ACVR2A: variants seen among roughly 807,000 people sequenced by gnomAD.
ACVR2A encodes activin receptor type-2A.
In ACVR2A, 7 loss-of-function variants were observed where a neutral mutation model predicts 61.4. The observed-to-expected ratio is 0.11, with a 90% CI of 0.06 to 0.21. The LOEUF is 0.21. Among genes scored for constraint, ACVR2A ranks in the 10% least tolerant of loss-of-function variants. ACVR2A has a pLI of 1.00. For synonymous variants in ACVR2A, 193 were observed against 208.3 expected (o/e 0.93, Z 0.63); for missense variants, 322 against 621.7 (o/e 0.52, Z 5.13).
At chr2:147,879,610 G>C (rs1459622217) in intron 1 of ACVR2A, among the ~76,000 whole-genome samples, 1 of 152,208 alleles carries the variant, frequency 6.6e-6, no homozygotes, top group Non-Finnish European at 1.5e-5. Flanking sequence ...TTCAAAGAGT[G>C]TCCACTTGTC....
rs141424691 is a variant in ACVR2A, at chr2:147,846,097, ACTAT to A, written c.55+894_55+897del. 4.6e-3 allele frequency among the ~76,000 whole-genome samples: 707 copies of A among 152,262 alleles called. 2 individuals carry two copies. The highest frequency in any genetic ancestry group is 5.0e-3 in the Non-Finnish European group (342 of 68,026). ...ATGGTTGCAACCAGTGGTTGGAAAA[ACTAT>A]CTAGTCTTTTGTATTTGAAATTCTA... On this transcript the variant is annotated intron_variant, in intron 1 of 10. Transcript: ENST00000241416.
At chr2:147,849,330 G>GTT (rs1366830468) in intron 1 of ACVR2A, among the ~76,000 whole-genome samples, 1 of 152,112 alleles carries the variant, frequency 6.6e-6, no homozygotes, top group Non-Finnish European at 1.5e-5. Flanking sequence ...TCGTGTGTGT[G>GTT]TGTAACATGT....
At chr2:147,874,739 C>G (rs909180156) in intron 1 of ACVR2A, among the ~76,000 whole-genome samples, 5 of 151,960 alleles carry the variant, frequency 3.3e-5, no homozygotes, top group African/African-American at 1.2e-4. Context: ...ATCTACTACG[C>G]ACTGTGTTAA....
At chr2:147,907,506 TTTC>T (rs768411347) in intron 4 of ACVR2A, among the ~76,000 whole-genome samples, 11 of 152,178 alleles carry the variant, frequency 7.2e-5, no homozygotes, top group Non-Finnish European at 1.3e-4. Context: ...GCACCTGTTG[TTTC>T]TTGACTTTTT....
rs1346333502 is a variant in ACVR2A, at chr2:147,928,206, T to G, written c.*932T>G. 6.6e-6 allele frequency: 1 copy of G among 152,354 alleles called. No individual in the cohort carries two copies. Among genetic ancestry groups the G allele is most frequent in the Non-Finnish European group, 1.5e-5 (1 of 67,920 alleles). The allele number at this position is 152,354 out of a possible 1,614,324, so 9.4% of individuals were successfully genotyped here. A position where few individuals can be genotyped will look rare whatever the true frequency, so the allele number is the denominator to read the frequency against. ...TGTGTTTGGGGAATATTTGAAAATT[T>G]AAAGCATGATTTAAAATTTTTTAAA... On this transcript the variant is annotated 3_prime_UTR_variant, in exon 11 of 11. Coordinates refer to ENST00000241416, the MANE Select transcript of ACVR2A (RefSeq NM_001616.5).
chr2:147,874,517 A>T (rs1188393428), intron 1 of ACVR2A, among the ~76,000 whole-genome samples: 1 of 151,940 alleles, frequency 6.6e-6, no homozygotes, highest in Non-Finnish European at 1.5e-5. Flanking sequence ...TTATTTCTCA[A>T]ACTGTGGTGT....
intron 4 of ACVR2A, among the ~76,000 whole-genome samples, chr2:147,914,782 G>A (rs961537933): frequency 4.6e-5 from 7 of 151,906 alleles, no homozygotes; most frequent in African/African-American, 1.7e-4. Flanking sequence ...GGTTTTTGCT[G>A]ATATATAGTC....
intron 2 of ACVR2A, among the ~76,000 whole-genome samples, chr2:147,899,247 A>G (rs1393281901): frequency 1.3e-5 from 2 of 152,170 alleles, no homozygotes; most frequent in Non-Finnish European, 2.9e-5. Flanking sequence ...TGTGATTGTT[A>G]TAAAATCAGT....
chr2:147,845,322 A>G, intron 1 of ACVR2A, 115 bp downstream of exon 1: 1 of 533,752 alleles, frequency 1.9e-6, no homozygotes, highest in Non-Finnish European at 2.6e-6. Flanking sequence ...GAGGTTGCCC[A>G]CTCCCTGCGC....
Position 147,901,014 on chromosome 2 carries a change from A to G in ACVR2A, c.528+1116A>G, listed in dbSNP as rs1462068334. Among the ~76,000 whole-genome samples the G allele has an allele frequency of 3.3e-5, 5 of 152,064 alleles. No individual in the cohort carries two copies. In the East Asian group the frequency reaches 9.6e-4, roughly 29 times the overall value. On this transcript the variant is annotated intron_variant, in intron 4 of 10. Transcript: ENST00000241416. ...TATAGAGAAATAAACCCAAAGGTAA[A>G]ATACCATGTTCGGTAATTAGGTAAA... is the stretch of plus-strand genomic sequence containing the variant.
At chr2:147,919,429 C>T (rs903992856) in intron 7 of ACVR2A, among the ~76,000 whole-genome samples, 4 of 152,092 alleles carry the variant, frequency 2.6e-5, no homozygotes, top group Non-Finnish European at 5.9e-5. Context: ...CTTAAGGACC[C>T]CCAAAGTTAT....
At chr2:147,857,153 A>G (rs1235138238) in intron 1 of ACVR2A, among the ~76,000 whole-genome samples, 2 of 152,164 alleles carry the variant, frequency 1.3e-5, no homozygotes, top group South Asian at 2.1e-4. Context: ...GGTTAGGGTC[A>G]GAGAAGAAGG....
chr2:147,907,812 G>A (rs994753806), intron 4 of ACVR2A, among the ~76,000 whole-genome samples: 11 of 152,050 alleles, frequency 7.2e-5, no homozygotes, highest in African/African-American at 2.7e-4. Context: ...GATCACCTGA[G>A]GTCAGGAGTT....
intron 1 of ACVR2A, among the ~76,000 whole-genome samples, chr2:147,852,084 T>C (rs199513438): frequency 6.6e-6 from 1 of 152,076 alleles, no homozygotes; most frequent in East Asian, 1.9e-4. Context: ...CAAATTTAAA[T>C]TTTTTTAAAT....
chr2:147,845,345 A>G, intron 1 of ACVR2A, 138 bp downstream of exon 1: 1 of 217,434 alleles, frequency 4.6e-6, no homozygotes, highest in Non-Finnish European at 6.8e-6. Context: ...CTCGGCTGCC[A>G]CCGCCCCCCC....
At chr2:147,879,955 T>C (rs901016167) in intron 1 of ACVR2A, among the ~76,000 whole-genome samples, 7 of 152,212 alleles carry the variant, frequency 4.6e-5, no homozygotes, top group African/African-American at 1.7e-4. Context: ...GCCTTAAACC[T>C]CTTCCCTGAT....
chr2:147,888,997 G>C (rs1686512270), intron 1 of ACVR2A, among the ~76,000 whole-genome samples: 1 of 151,764 alleles, frequency 6.6e-6, no homozygotes, highest in African/African-American at 2.4e-5. Context: ...CTAGTGTACT[G>C]ATAGTTTTTT....
intron 1 of ACVR2A, among the ~76,000 whole-genome samples, chr2:147,893,806 T>C (rs2105187126): frequency 6.6e-6 from 1 of 152,316 alleles, no homozygotes; most frequent in East Asian, 1.9e-4. Flanking sequence ...GTTTTGCAAG[T>C]ATTTTCTTCC....
chr2:147,882,210 C>G (rs553656284), intron 1 of ACVR2A, among the ~76,000 whole-genome samples: 2 of 152,160 alleles, frequency 1.3e-5, no homozygotes, highest in Non-Finnish European at 2.9e-5. Flanking sequence ...TATTGAAATA[C>G]GTTTTGGATG....
Sources: gnomAD v4.1 joint callset for allele counts (sites outside exome capture counted in the v4.1 genomes callset) on GRCh38, gnomAD v4.1.1 for gene constraint, MANE v1.5 for transcripts, NCBI Gene and HGNC (gene_info 2026-07-23, HGNC 2026-07-21) for gene names.